RASEF: variants seen among roughly 807,000 people sequenced by gnomAD.
RASEF encodes RAS and EF-hand domain containing.
Under a neutral mutation model 90.1 loss-of-function variants are expected in RASEF, and 68 were observed. The observed-to-expected ratio is 0.75, with a 90% CI of 0.62 to 0.92. The LOEUF is 0.92. Among genes scored for constraint, RASEF ranks in the 40% least tolerant of loss-of-function variants. RASEF has a pLI of 0.00. For synonymous variants in RASEF, 331 were observed against 345.2 expected, an observed-to-expected ratio of 0.96 and a Z score of 0.46; for missense variants, 949 against 937.2, an observed-to-expected ratio of 1.01 and a Z score of -0.16.
At chr9:83,144,391 G>GGAAGGAAGGAAGGAAAGAAAGAAAGAAA in the RASEF span, among the ~76,000 whole-genome samples, 1 of 33,220 alleles carries the variant, frequency 3.0e-5, no homozygotes, top group East Asian at 9.9e-4. Flanking sequence ...AAGAAAGAAA[G>GGAAGGAAGGAAGGAAAGAAAGAAAGAAA]GAAAGAAAGA....
chr9:83,189,917 T>C, the RASEF span, among the ~76,000 whole-genome samples: 2 of 152,174 alleles, frequency 1.3e-5, no homozygotes, highest in Admixed American at 6.5e-5. Context: ...CCAATTCCAA[T>C]ACAACGTTTA....
chr9:83,205,532 A>T, the RASEF span, among the ~76,000 whole-genome samples: 3 of 152,050 alleles, frequency 2.0e-5, no homozygotes, highest in African/African-American at 7.2e-5. Context: ...CATCCTTCAA[A>T]CACCCCCTCA....
At chr9:83,070,854 A>G in the RASEF span, among the ~76,000 whole-genome samples, 1 of 152,300 alleles carries the variant, frequency 6.6e-6, no homozygotes, top group African/African-American at 2.4e-5. Flanking sequence ...TGTTAAATTT[A>G]TCCCTAAGTA....
chr9:83,213,104 A>AAG, the RASEF span, among the ~76,000 whole-genome samples: 10 of 152,000 alleles, frequency 6.6e-5, no homozygotes, highest in South Asian at 4.1e-4. Context: ...AAAAAAAAAA[A>AAG]AAAGAAAGAA....
At chr9:83,144,396 G>GA in the RASEF span, among the ~76,000 whole-genome samples, 3 of 100,180 alleles carry the variant, frequency 3.0e-5, no homozygotes, top group Admixed American at 9.9e-5. Context: ...AGAAAGGAAA[G>GA]AAAGAAAGAA....
chr9:83,201,858 C>T, the RASEF span: 1 of 152,274 alleles, frequency 6.6e-6, no homozygotes, highest in African/African-American at 2.4e-5. Flanking sequence ...TAATATCTCC[C>T]TTCCCAGATT....
At chr9:83,110,503 C>T in the RASEF span, among the ~76,000 whole-genome samples, 1 of 152,220 alleles carries the variant, frequency 6.6e-6, no homozygotes. Context: ...TTTGGATGGT[C>T]TAGCACCTTA....
chr9:83,143,628 T>G, the RASEF span, among the ~76,000 whole-genome samples: 1 of 152,106 alleles, frequency 6.6e-6, no homozygotes, highest in Non-Finnish European at 1.5e-5. Context: ...CCAATCAGAA[T>G]GGCTGTTATT....
At chr9:83,189,919 C>T in the RASEF span, among the ~76,000 whole-genome samples, 14 of 152,246 alleles carry the variant, frequency 9.2e-5, no homozygotes, top group East Asian at 2.3e-3. Context: ...AATTCCAATA[C>T]AACGTTTAAA....
the RASEF span, among the ~76,000 whole-genome samples, chr9:83,129,066 T>C: frequency 6.6e-6 from 1 of 152,242 alleles, no homozygotes; most frequent in African/African-American, 2.4e-5. Flanking sequence ...AAATTCCATT[T>C]ATCTTCTGAC....
At chr9:83,014,499 C>T (rs1587495806) in intron 4 of RASEF, among the ~76,000 whole-genome samples, 1 of 151,960 alleles carries the variant, frequency 6.6e-6, no homozygotes, top group East Asian at 1.9e-4. Context: ...TTTATTTTTG[C>T]AGTGGTGGGA....
intron 9 of RASEF, among the ~76,000 whole-genome samples, chr9:83,003,634 T>C (rs927628047): frequency 6.6e-6 from 1 of 152,184 alleles, no homozygotes; most frequent in African/African-American, 2.4e-5. Context: ...TTAAACCTGA[T>C]ACAATTTTCT....
chr9:83,164,347 G>GTGTGTATATATATATATA, the RASEF span, among the ~76,000 whole-genome samples: 1,403 of 129,688 alleles, frequency 0.011, 31 homozygotes, highest in Middle Eastern at 0.018. Flanking sequence ...GTATATGTGT[G>GTGTGTATATATATATATA]TATATATATA....
the RASEF span, among the ~76,000 whole-genome samples, chr9:83,119,210 G>C: frequency 6.7e-6 from 1 of 149,144 alleles, no homozygotes; most frequent in Non-Finnish European, 1.5e-5. Context: ...GTAGAGACGG[G>C]GTTTCAGCAT....
chr9:82,994,632 AG>A (rs1295192671), intron 14 of RASEF, among the ~76,000 whole-genome samples: 1 of 152,214 alleles, frequency 6.6e-6, no homozygotes, highest in Non-Finnish European at 1.5e-5. Context: ...ACTACTACAC[AG>A]GAACCGGGCA....
At chr9:83,157,902 T>C in the RASEF span, among the ~76,000 whole-genome samples, 10 of 152,312 alleles carry the variant, frequency 6.6e-5, 1 homozygote, top group Admixed American at 6.5e-5. Flanking sequence ...AAGATGCAAA[T>C]CTGCTGAAGA....
At chr9:83,138,824 T>A in the RASEF span, among the ~76,000 whole-genome samples, 7 of 151,952 alleles carry the variant, frequency 4.6e-5, no homozygotes, top group Admixed American at 4.6e-4. Flanking sequence ...TTATAAAAAA[T>A]AAAAACTTAT....
intron 3 of RASEF, among the ~76,000 whole-genome samples, chr9:83,020,088 T>A (rs1303914645): frequency 1.3e-5 from 2 of 152,178 alleles, no homozygotes; most frequent in East Asian, 3.8e-4. Flanking sequence ...CTGCCAGTTA[T>A]ACCTTCATAA....
rs1432365572 is a variant in RASEF, at chr9:82,982,509, G to T, written c.*168C>A. The stretch of plus-strand genomic sequence containing the variant: ...AAATCACTCACTGAGACAAAACAAA[G>T]AAGAGCCAAAGTTCCAGAGGGACCT... On this transcript the variant is annotated 3_prime_UTR_variant, in exon 17 of 17. Coordinates refer to ENST00000376447, the MANE Select transcript of RASEF (RefSeq NM_152573.4). 2 of 551,522 alleles carry T rather than the reference G, an allele frequency of 3.6e-6. No individual in the cohort carries two copies. Among genetic ancestry groups the T allele is most frequent in the East Asian group, 6.1e-5 (2 of 32,812 alleles). 34.2% of individuals were successfully genotyped at this position (551,522 alleles called of 1,614,324 possible). A position where few individuals can be genotyped will look rare whatever the true frequency, so the allele number is the denominator to read the frequency against.
Sources: gnomAD v4.1 joint callset for allele counts (sites outside exome capture counted in the v4.1 genomes callset) on GRCh38, gnomAD v4.1.1 for gene constraint, MANE v1.5 for transcripts, NCBI Gene and HGNC (gene_info 2026-07-23, HGNC 2026-07-21) for gene names.